Variants in ZBTB7C observed in about 807,000 individuals in gnomAD.
ZBTB7C encodes the protein zinc finger and BTB domain-containing protein 7C.
A neutral mutation model predicts 25.7 loss-of-function variants in ZBTB7C; 8 were observed. The ratio of observed to expected loss-of-function variants is 0.31; its 90% confidence interval spans 0.18 to 0.56. The LOEUF is 0.56. Among genes scored for constraint, ZBTB7C ranks in the 20% least tolerant of loss-of-function variants. ZBTB7C has a pLI of 0.91. For synonymous variants in ZBTB7C, 394 were observed against 369.0 expected (o/e 1.07, Z -0.78); for missense variants, 824 against 855.2 (o/e 0.96, Z 0.46).
At chr18:48,158,169 G>C (rs916982102) in intron 3 of ZBTB7C, among the ~76,000 whole-genome samples, 2 of 152,176 alleles carry the variant, frequency 1.3e-5, no homozygotes, top group African/African-American at 4.8e-5. Flanking sequence ...GCAAACACTG[G>C]CTCCCAGCCC....
chr18:48,250,401 C>T (rs1004137374), intron 2 of ZBTB7C, among the ~76,000 whole-genome samples: 2 of 152,124 alleles, frequency 1.3e-5, no homozygotes, highest in Non-Finnish European at 2.9e-5. Context: ...ATAAGAAAAG[C>T]CCCTACCTCA....
At chr18:48,043,186 T>TA (rs1366138869) in intron 3 of ZBTB7C, among the ~76,000 whole-genome samples, 2 of 152,146 alleles carry the variant, frequency 1.3e-5, no homozygotes, top group African/African-American at 4.8e-5. Flanking sequence ...TGGCAGATCT[T>TA]AAAAAACAAA....
chr18:48,096,314 A>G (rs2038631430), intron 3 of ZBTB7C, among the ~76,000 whole-genome samples: 1 of 152,148 alleles, frequency 6.6e-6, no homozygotes, highest in Non-Finnish European at 1.5e-5. Context: ...TCACAAGCTG[A>G]GCTGTGACTT....
In ZBTB7C at chr18:48,147,367, C is replaced by T. The variant is rs74583462; in HGVS notation, c.-17+38567G>A. 3.3e-4 allele frequency among the ~76,000 whole-genome samples: 51 copies of T among 152,268 alleles called. No homozygotes were observed. In the East Asian group the frequency reaches 7.1e-3, roughly 21 times the overall value. ...TGCTGGGATTACACGCGTGAGCTAC[C>T]GCACCCAGCCCTGCTTCGGTAATTT... On this transcript the variant is annotated intron_variant, in intron 3 of 4. Transcript: ENST00000590800.
chr18:48,296,277 C>T (rs2045388518), intron 2 of ZBTB7C, among the ~76,000 whole-genome samples: 1 of 152,292 alleles, frequency 6.6e-6, no homozygotes, highest in Admixed American at 6.5e-5. Context: ...CTGTGCCAGG[C>T]AGGGTGGCAG....
chr18:48,300,543 T>A (rs546132729), intron 2 of ZBTB7C, among the ~76,000 whole-genome samples: 5 of 152,246 alleles, frequency 3.3e-5, no homozygotes, highest in East Asian at 3.9e-4. Flanking sequence ...GTCGTTTTTT[T>A]ACTCTTGCTA....
At chr18:48,180,203 CTCCTTCCT>C (rs555040804) in intron 3 of ZBTB7C, 5 of 222,834 alleles carry the variant, frequency 2.2e-5, no homozygotes, top group Non-Finnish European at 4.6e-5. Flanking sequence ...GAAGATATTT[CTCCTTCCT>C]TCCTTCCTTC....
chr18:48,210,980 G>T (rs1366601701), intron 2 of ZBTB7C, among the ~76,000 whole-genome samples: 1 of 152,018 alleles, frequency 6.6e-6, no homozygotes. Flanking sequence ...GCATGGTATT[G>T]GTGAAATAAT....
intron 2 of ZBTB7C, among the ~76,000 whole-genome samples, chr18:48,288,268 AG>A (rs2045116566): frequency 6.6e-6 from 1 of 152,176 alleles, no homozygotes; most frequent in Non-Finnish European, 1.5e-5. Context: ...CTAGCCCCCA[AG>A]GTAATTGTGT....
At chr18:48,166,971 C>T (rs2041269712) in intron 3 of ZBTB7C, among the ~76,000 whole-genome samples, 2 of 152,174 alleles carry the variant, frequency 1.3e-5, no homozygotes, top group South Asian at 4.1e-4. Flanking sequence ...CCTCTGACCT[C>T]AACCTCAGCT....
intron 3 of ZBTB7C, among the ~76,000 whole-genome samples, chr18:48,064,961 C>T (rs2144350553): frequency 6.6e-6 from 1 of 152,330 alleles, no homozygotes; most frequent in East Asian, 1.9e-4. Flanking sequence ...TCCCACCACT[C>T]CACTCAAGGA....
At chr18:48,332,940 G>T (rs184105694) in intron 2 of ZBTB7C, among the ~76,000 whole-genome samples, 35 of 152,160 alleles carry the variant, frequency 2.3e-4, no homozygotes. Flanking sequence ...AGCTTATTCT[G>T]AGAGGTTTGT....
intron 3 of ZBTB7C, among the ~76,000 whole-genome samples, chr18:48,095,901 G>A (rs1354812052): frequency 3.3e-5 from 5 of 152,056 alleles, no homozygotes; most frequent in Non-Finnish European, 7.4e-5. Flanking sequence ...TAAACAGCTG[G>A]TAACCTCTTA....
chr18:48,403,039 G>A (rs1313949860), intron 1 of ZBTB7C, among the ~76,000 whole-genome samples: 1 of 152,202 alleles, frequency 6.6e-6, no homozygotes, highest in African/African-American at 2.4e-5. Context: ...TGGCCCCAAA[G>A]AGAAACCCTC....
intron 3 of ZBTB7C, among the ~76,000 whole-genome samples, chr18:48,061,485 T>G (rs993657767): frequency 6.6e-6 from 1 of 152,192 alleles, no homozygotes; most frequent in Non-Finnish European, 1.5e-5. Flanking sequence ...CCTCAGGCAG[T>G]TGAGGACAGA....
chr18:48,150,180 G>A (rs780071782), intron 3 of ZBTB7C, among the ~76,000 whole-genome samples: 2 of 152,126 alleles, frequency 1.3e-5, no homozygotes, highest in Non-Finnish European at 2.9e-5. Context: ...TCATAGAATG[G>A]CAGCTCAGAG....
intron 3 of ZBTB7C, among the ~76,000 whole-genome samples, chr18:48,135,046 G>T (rs2040104491): frequency 1.3e-5 from 2 of 152,048 alleles, no homozygotes; most frequent in South Asian, 4.2e-4. Flanking sequence ...CAGGCCTCCT[G>T]CTGCTGCTTC....
chr18:48,243,387 T>G (rs999128261), intron 2 of ZBTB7C, among the ~76,000 whole-genome samples: 1 of 151,836 alleles, frequency 6.6e-6, no homozygotes, highest in Admixed American at 6.6e-5. Flanking sequence ...GTGACCAAGT[T>G]GAGAATCAAA....
chr18:48,218,822 C>T (rs1210018952), intron 2 of ZBTB7C, among the ~76,000 whole-genome samples: 1 of 152,176 alleles, frequency 6.6e-6, no homozygotes, highest in Non-Finnish European at 1.5e-5. Flanking sequence ...CCACCACTAG[C>T]CCTCAGGGCT....
Sources: gnomAD v4.1 joint callset for allele counts (sites outside exome capture counted in the v4.1 genomes callset) on GRCh38, gnomAD v4.1.1 for gene constraint, MANE v1.5 for transcripts, NCBI Gene and HGNC (gene_info 2026-07-23, HGNC 2026-07-21) for gene names.